The following AGPAT5 variants were observed in gnomAD, a reference collection of about 807,000 sequenced individuals.
AGPAT5 encodes 1-acylglycerol-3-phosphate O-acyltransferase 5.
A neutral mutation model predicts 45.6 loss-of-function variants in AGPAT5; 46 were observed. The ratio of observed to expected loss-of-function variants is 1.01; its 90% CI spans 0.80 to 1.29. The LOEUF is 1.29. Among genes scored for constraint, AGPAT5 ranks in the 50% most tolerant of loss-of-function variants. The pLI is 0.00. For missense variants in AGPAT5, 673 were observed against 450.7 expected, an observed-to-expected ratio of 1.49 and a Z score of -4.47; for synonymous variants, 272 against 167.0, an observed-to-expected ratio of 1.63 and a Z score of -4.85.
chr8:6,727,823 G>T (rs528578622), intron 2 of AGPAT5, among the ~76,000 whole-genome samples: 1 of 152,192 alleles, frequency 6.6e-6, no homozygotes, highest in Non-Finnish European at 1.5e-5. Flanking sequence ...TTCCTGTTCG[G>T]CATTGCAGAA....
chr8:6,747,541 T>G, intron 5 of AGPAT5, 129 bp from the exon 6 acceptor site: 1 of 857,942 alleles, frequency 1.2e-6, no homozygotes, highest in Non-Finnish European at 1.8e-6. Context: ...GCCCTAAATA[T>G]ATGAGGTTGT....
chr8:6,755,477 A>T (rs1244384886), intron 7 of AGPAT5, among the ~76,000 whole-genome samples: 1 of 152,218 alleles, frequency 6.6e-6, no homozygotes, highest in East Asian at 1.9e-4. Context: ...CCAGTGTCAG[A>T]TGCCCGGACC....
At chr8:6,735,921 C>T (rs959180868) in intron 4 of AGPAT5, among the ~76,000 whole-genome samples, 3 of 124,170 alleles carry the variant, frequency 2.4e-5, no homozygotes, top group Non-Finnish European at 4.7e-5. Context: ...GTGGCACGAT[C>T]TTGGCTCACT....
intron 6 of AGPAT5, among the ~76,000 whole-genome samples, chr8:6,754,564 G>T (rs947562891): frequency 1.3e-5 from 2 of 152,150 alleles, no homozygotes; most frequent in East Asian, 3.8e-4. Flanking sequence ...AGGTCAGGAG[G>T]TGCCATCGTG....
intron 6 of AGPAT5, among the ~76,000 whole-genome samples, chr8:6,749,160 T>A (rs960160874): frequency 6.6e-6 from 1 of 152,174 alleles, no homozygotes; most frequent in South Asian, 2.1e-4. Flanking sequence ...AGTTGTCAAA[T>A]GATTAGTCTG....
In AGPAT5 at chr8:6,757,513, G is replaced by A. The variant is rs1449749367; in HGVS notation, c.*125G>A. On this transcript the variant is annotated 3_prime_UTR_variant, in exon 8 of 8. Coordinates refer to ENST00000285518, the MANE Select transcript of AGPAT5 (RefSeq NM_018361.5). ...ATAAAGCCTTGTTGATTGAAGATTGGATAATAGAATTTGTGACGAAAGCTG... is the reference window on the plus strand; with the variant it reads ...ATAAAGCCTTGTTGATTGAAGATTGAATAATAGAATTTGTGACGAAAGCTG... 1 of 754,428 alleles carries A rather than the reference G, an allele frequency of 1.3e-6. No individual in the cohort carries two copies. Among genetic ancestry groups the A allele is most frequent in the Non-Finnish European group, 2.2e-6 (1 of 464,532 alleles). 46.7% of individuals were successfully genotyped at this position (754,428 alleles called of 1,614,324 possible).
chr8:6,746,742 C>T (rs1021864431), intron 5 of AGPAT5, among the ~76,000 whole-genome samples: 2 of 152,176 alleles, frequency 1.3e-5, no homozygotes, highest in Non-Finnish European at 2.9e-5. Context: ...AGCTGTTCTT[C>T]CTTACTCAGC....
At chr8:6,749,443 A>C (rs1274483972) in intron 6 of AGPAT5, among the ~76,000 whole-genome samples, 1 of 152,226 alleles carries the variant, frequency 6.6e-6, no homozygotes, top group Non-Finnish European at 1.5e-5. Flanking sequence ...AAATGTTTAG[A>C]ATATGTAATG....
chr8:6,726,641 T>TA (rs1036785074), intron 2 of AGPAT5, among the ~76,000 whole-genome samples: 5 of 152,038 alleles, frequency 3.3e-5, no homozygotes, highest in East Asian at 1.9e-4. Flanking sequence ...AAAAACAGAT[T>TA]AAAAAAAACA....
intron 4 of AGPAT5, among the ~76,000 whole-genome samples, chr8:6,734,168 C>G (rs1800962287): frequency 6.6e-6 from 1 of 151,958 alleles, no homozygotes; most frequent in Non-Finnish European, 1.5e-5. Context: ...AATATTATTC[C>G]TACCCCAGTC....
intron 2 of AGPAT5, among the ~76,000 whole-genome samples, chr8:6,728,449 T>C (rs1800758576): frequency 1.3e-5 from 2 of 152,248 alleles, no homozygotes; most frequent in Admixed American, 1.3e-4. Flanking sequence ...AGCTAGTTCT[T>C]AAATGTTTCC....
chr8:6,739,350 T>C (rs1170643880), intron 4 of AGPAT5, among the ~76,000 whole-genome samples: 1 of 152,150 alleles, frequency 6.6e-6, no homozygotes. Flanking sequence ...TTCATTTTGA[T>C]TGTATTGAAG....
intron 1 of AGPAT5, among the ~76,000 whole-genome samples, chr8:6,719,655 G>A (rs545189624): frequency 6.6e-6 from 1 of 152,216 alleles, no homozygotes; most frequent in African/African-American, 2.4e-5. Context: ...CCTGGAGATG[G>A]GTAGCCTCCA....
At chr8:6,755,361 G>GT (rs1345685422) in intron 7 of AGPAT5, among the ~76,000 whole-genome samples, 187 bp downstream of exon 7, 1 of 152,200 alleles carries the variant, frequency 6.6e-6, no homozygotes, top group Non-Finnish European at 1.5e-5. Context: ...AAAAGAACTT[G>GT]TTACAGTGGG....
chr8:6,751,792 T>C (rs1400325487), intron 6 of AGPAT5, among the ~76,000 whole-genome samples: 2 of 152,212 alleles, frequency 1.3e-5, no homozygotes, highest in African/African-American at 4.8e-5. Flanking sequence ...GGTATTCTAT[T>C]TGAGTATTGT....
intron 6 of AGPAT5, among the ~76,000 whole-genome samples, chr8:6,751,057 A>G (rs979282666): frequency 6.6e-6 from 1 of 151,756 alleles, no homozygotes; most frequent in Non-Finnish European, 1.5e-5. Context: ...GTTTTCTGTC[A>G]CTGGCTCAGC....
At chr8:6,738,237 C>T (rs1801120300) in intron 4 of AGPAT5, 1 of 152,164 alleles carries the variant, frequency 6.6e-6, no homozygotes, top group Non-Finnish European at 1.5e-5. Context: ...GAGAGACATG[C>T]AACTCTTCCT....
intron 2 of AGPAT5, among the ~76,000 whole-genome samples, chr8:6,727,933 A>G (rs1245216379): frequency 1.3e-5 from 2 of 152,198 alleles, no homozygotes; most frequent in African/African-American, 4.8e-5. Context: ...GGCACCTTAC[A>G]GAGGCTGTCT....
In AGPAT5 at chr8:6,708,731, C is replaced by T. The variant is rs763677626; in HGVS notation, c.63C>T (p.Leu21=). The change falls in exon 1 of 8, where the codon CTC becomes CTT. Residue 21 remains leucine, a synonymous_variant. Transcript: ENST00000285518. ...SMRYLLPSVV[L]LGTAPTYVLA... is the part of the protein sequence containing the mutation. Reference sequence around the variant, plus strand: ...GCTACCTGCTGCCCAGCGTCGTGCTCCTGGGCACGGCGCCCACCTACGTGT... The same window carrying T: ...GCTACCTGCTGCCCAGCGTCGTGCTTCTGGGCACGGCGCCCACCTACGTGT... 7 of 1,607,386 alleles carry T rather than the reference C, an allele frequency of 4.4e-6. No individual in the cohort carries two copies. The Admixed American group carries it at 8.3e-5, about 19-fold the overall frequency.
Sources: gnomAD v4.1 joint callset for allele counts (sites outside exome capture counted in the v4.1 genomes callset) on GRCh38, gnomAD v4.1.1 for gene constraint, MANE v1.5 for transcripts, NCBI Gene and HGNC (gene_info 2026-07-23, HGNC 2026-07-21) for gene names.